WWOX: variants seen among roughly 807,000 people sequenced by gnomAD.
WWOX encodes the protein WW domain-containing oxidoreductase.
WWOX carries 69 observed loss-of-function variants against 46.2 expected under a neutral mutation model. The ratio of observed to expected loss-of-function variants is 1.49; its 90% CI spans 1.23 to 1.82. The LOEUF is 1.82. Ranked by LOEUF, WWOX falls within the 40% of genes most tolerant of loss-of-function variation. The probability of loss-of-function intolerance (pLI) is 0.00; values close to 1 mark genes in which losing one functional copy is unlikely to be tolerated. For synonymous variants in WWOX, 359 were observed against 202.6 expected, an observed-to-expected ratio of 1.77 and a Z score of -6.56; for missense variants, 919 against 542.6, an observed-to-expected ratio of 1.69 and a Z score of -6.89.
At chr16:78,567,552 C>CAAAA (rs71272440) in intron 8 of WWOX, among the ~76,000 whole-genome samples, 54 of 51,624 alleles carry the variant, frequency 1.0e-3, no homozygotes, top group East Asian at 4.9e-3. Flanking sequence ...GACTCCGTCT[C>CAAAA]AAAAAAAAAA....
At chr16:78,946,655 A>G (rs2045954238) in intron 8 of WWOX, among the ~76,000 whole-genome samples, 1 of 152,112 alleles carries the variant, frequency 6.6e-6, no homozygotes, top group Non-Finnish European at 1.5e-5. Flanking sequence ...CAGTGATGGC[A>G]TGTCTCCACT....
chr16:78,312,038 T>C (rs2080254978), intron 5 of WWOX, among the ~76,000 whole-genome samples: 1 of 152,124 alleles, frequency 6.6e-6, no homozygotes, highest in South Asian at 2.1e-4. Flanking sequence ...TCGGTCACCT[T>C]CCAGCCAGCA....
chr16:78,356,092 A>AAAAC (rs2081282593), intron 5 of WWOX, among the ~76,000 whole-genome samples: 1 of 71,866 alleles, frequency 1.4e-5, no homozygotes, highest in South Asian at 3.3e-4. Flanking sequence ...AAAAAAAAAA[A>AAAAC]AGAAGAATCG....
At chr16:78,668,428 A>T (rs978835304) in intron 8 of WWOX, among the ~76,000 whole-genome samples, 9 of 152,254 alleles carry the variant, frequency 5.9e-5, no homozygotes, top group Non-Finnish European at 8.8e-5. Flanking sequence ...CAGGAATGAC[A>T]TTCCAAGATT....
At chr16:78,171,358 A>G (rs1451017226) in intron 5 of WWOX, among the ~76,000 whole-genome samples, 2 of 152,294 alleles carry the variant, frequency 1.3e-5, no homozygotes, top group African/African-American at 2.4e-5. Flanking sequence ...ATGAGCTGGT[A>G]TAGCTTCACT....
At chr16:79,115,503 A>G (rs2049498693) in intron 8 of WWOX, among the ~76,000 whole-genome samples, 1 of 152,184 alleles carries the variant, frequency 6.6e-6, no homozygotes, top group South Asian at 2.1e-4. Context: ...GCCTTTTAGC[A>G]GCTGCCACAA....
chr16:78,826,721 G>A (rs77911860), intron 8 of WWOX, among the ~76,000 whole-genome samples: 6 of 152,112 alleles, frequency 3.9e-5, no homozygotes, highest in African/African-American at 9.7e-5. Flanking sequence ...GCAGGGATTT[G>A]GATATGGAAC....
At chr16:78,157,584 A>G (rs1168758132) in intron 4 of WWOX, among the ~76,000 whole-genome samples, 1 of 152,236 alleles carries the variant, frequency 6.6e-6, no homozygotes, top group East Asian at 1.9e-4. Flanking sequence ...TCAGCATCTG[A>G]TTTAAGTATC....
Position 78,687,369 on chromosome 16 carries a change from G to T in WWOX, c.1056+254617G>T, listed in dbSNP as rs148233185. Among the ~76,000 whole-genome samples, 9 of 152,286 alleles carry T rather than the reference G, an allele frequency of 5.9e-5. No homozygotes were observed. In the South Asian group the frequency reaches 1.0e-3, roughly 18 times the overall value. ...ATCGAAAGAAGAGAATCGAAAATGCGAAAGTCCTTCATTTTCAGTGTGGCC... is the reference window on the plus strand; with the variant it reads ...ATCGAAAGAAGAGAATCGAAAATGCTAAAGTCCTTCATTTTCAGTGTGGCC... On this transcript the variant is annotated intron_variant, in intron 8 of 8. Transcript: ENST00000566780.
intron 5 of WWOX, among the ~76,000 whole-genome samples, chr16:78,166,503 A>G (rs1340823413): frequency 6.6e-6 from 1 of 152,040 alleles, no homozygotes; most frequent in Non-Finnish European, 1.5e-5. Context: ...GGGCATATGC[A>G]TTTAAAATTT....
At chr16:78,662,774 G>C (rs1339716165) in intron 8 of WWOX, among the ~76,000 whole-genome samples, 1 of 152,158 alleles carries the variant, frequency 6.6e-6, no homozygotes, top group Non-Finnish European at 1.5e-5. Flanking sequence ...CACAGTTGTT[G>C]GCAAGATGTA....
intron 5 of WWOX, among the ~76,000 whole-genome samples, chr16:78,214,181 A>G (rs1012415534): frequency 3.3e-5 from 5 of 152,086 alleles, no homozygotes; most frequent in African/African-American, 9.7e-5. Context: ...CAGGATCCCT[A>G]TCTCCCTGTC....
At chr16:78,920,472 C>G (rs539405205) in intron 8 of WWOX, among the ~76,000 whole-genome samples, 5 of 152,148 alleles carry the variant, frequency 3.3e-5, no homozygotes, top group Non-Finnish European at 5.9e-5. Context: ...TCGCTGACCC[C>G]GAATGACTGG....
chr16:78,224,120 C>T (rs1238694065), intron 5 of WWOX, among the ~76,000 whole-genome samples: 2 of 152,122 alleles, frequency 1.3e-5, no homozygotes, highest in East Asian at 3.9e-4. Flanking sequence ...TTTCCTGCCT[C>T]AGCCTCCCAA....
At chr16:78,791,992 C>T (rs151268374) in intron 8 of WWOX, among the ~76,000 whole-genome samples, 1 of 152,132 alleles carries the variant, frequency 6.6e-6, no homozygotes, top group Non-Finnish European at 1.5e-5. Context: ...GAGGAAATTT[C>T]TTTCAGAAGT....
chr16:78,629,028 AT>A (rs1443268045), intron 8 of WWOX, among the ~76,000 whole-genome samples: 1 of 152,176 alleles, frequency 6.6e-6, no homozygotes, highest in East Asian at 1.9e-4. Context: ...CAAAAACTGG[AT>A]TTTTAACCCA....
rs143031867 is a variant in WWOX at position 78,510,162 on chromosome 16, T to G, written c.1056+77410T>G. On this transcript the variant is annotated intron_variant, in intron 8 of 8. Coordinates refer to ENST00000566780, the MANE Select transcript of WWOX (RefSeq NM_016373.4). The stretch of plus-strand genomic sequence containing the variant: ...GTTACTTAGGAGTCACTTATGCCCT[T>G]GAAGAGTGAGTGATGTATCAAAATA... Among the ~76,000 whole-genome samples the G allele has an allele frequency of 2.0e-5, 3 of 152,330 alleles. No individual in the cohort carries two copies. The East Asian group carries it at 5.8e-4, about 29-fold the overall frequency.
intron 8 of WWOX, among the ~76,000 whole-genome samples, chr16:78,548,859 A>G (rs2044110723): frequency 6.6e-6 from 1 of 152,172 alleles, no homozygotes; most frequent in African/African-American, 2.4e-5. Context: ...CTGTAACCTC[A>G]TTAACATCAA....
chr16:78,995,383 T>C (rs1435647038), intron 8 of WWOX, among the ~76,000 whole-genome samples: 1 of 151,976 alleles, frequency 6.6e-6, no homozygotes, highest in Admixed American at 6.6e-5. Flanking sequence ...TTCTTTGGGG[T>C]AGGACATGGA....
Sources: allele counts gnomAD v4.1 joint callset (sites outside exome capture counted in the v4.1 genomes callset), GRCh38; gene constraint gnomAD v4.1.1; transcripts MANE v1.5; gene names NCBI Gene and HGNC (gene_info 2026-07-23, HGNC 2026-07-21).